The following MCC variants were observed in gnomAD, a reference collection of about 807,000 sequenced individuals.
MCC encodes the protein colorectal mutant cancer protein.
MCC carries 90 observed loss-of-function variants against 116.2 expected under a neutral mutation model. The observed-to-expected ratio is 0.77, with a 90% CI of 0.65 to 0.92. MCC has a LOEUF of 0.92. Among genes scored for constraint, MCC ranks in the 40% least tolerant of loss-of-function variants. The pLI, the probability that MCC is intolerant of heterozygous loss-of-function variation, is 0.00. For synonymous variants in MCC, 578 were observed against 510.5 expected, an observed-to-expected ratio of 1.13 and a Z score of -1.78; for missense variants, 1,516 against 1,312.2, an observed-to-expected ratio of 1.16 and a Z score of -2.40.
Position 113,070,053 on chromosome 5 carries a change from C to G in MCC, c.1925+1041G>C, listed in dbSNP as rs149536283. Among the ~76,000 whole-genome samples the G allele has an allele frequency of 4.1e-3, 618 of 152,288 alleles. 7 individuals carry two copies. The highest frequency in any genetic ancestry group is 0.014 in the African/African-American group (570 of 41,570). ...ACTAATGTGGAGAAAGACCTTTCTGCTCAAAGGCAGATTGTGGGTGGACAG... is the reference window on the plus strand; with the variant it reads ...ACTAATGTGGAGAAAGACCTTTCTGGTCAAAGGCAGATTGTGGGTGGACAG... On this transcript the variant is annotated intron_variant, in intron 12 of 18. Coordinates refer to ENST00000408903, the MANE Select transcript of MCC (RefSeq NM_001085377.2).
At chr5:113,341,889 C>T (rs1768024841) in intron 2 of MCC, among the ~76,000 whole-genome samples, 1 of 152,088 alleles carries the variant, frequency 6.6e-6, no homozygotes, top group African/African-American at 2.4e-5. Context: ...TGTTTGGTTA[C>T]ATGAATAAGT....
intron 8 of MCC, among the ~76,000 whole-genome samples, chr5:113,088,835 G>T (rs918138815): frequency 6.6e-6 from 1 of 152,058 alleles, no homozygotes; most frequent in East Asian, 1.9e-4. Context: ...TTTGAGACAC[G>T]GTCTCACTAT....
intron 14 of MCC, among the ~76,000 whole-genome samples, chr5:113,056,114 C>T (rs959682798): frequency 1.3e-5 from 2 of 152,124 alleles, no homozygotes; most frequent in Admixed American, 6.5e-5. Context: ...CATATAGACC[C>T]ACCTCCTATT....
rs150005432 is a variant in MCC, at chr5:113,114,318, G to A, written c.1027+8366C>T. On this transcript the variant is annotated intron_variant, in intron 6 of 18. Transcript: ENST00000408903. Reference sequence around the variant, plus strand: ...TATGCTGCAGTGGAGATTTAACACGGAGAGCGCAAGATGACTGATTCTCAG... The same window carrying A: ...TATGCTGCAGTGGAGATTTAACACGAAGAGCGCAAGATGACTGATTCTCAG... Among the ~76,000 whole-genome samples, 225 of 152,332 alleles carry A rather than the reference G, an allele frequency of 1.5e-3. 1 individual carries two copies. Among genetic ancestry groups the A allele is most frequent in the Non-Finnish European group, 2.1e-3 (146 of 68,030 alleles).
chr5:113,221,920 T>C (rs923327661), intron 3 of MCC, among the ~76,000 whole-genome samples: 4 of 152,198 alleles, frequency 2.6e-5, no homozygotes, highest in African/African-American at 4.8e-5. Context: ...TCTTTCTCTA[T>C]TGCAATTCCC....
intron 8 of MCC, among the ~76,000 whole-genome samples, chr5:113,092,677 A>C (rs2150248917): frequency 6.6e-6 from 1 of 152,360 alleles, no homozygotes; most frequent in East Asian, 1.9e-4. Flanking sequence ...CCTGAGAAAA[A>C]GAATGAGATG....
At chr5:113,104,954 C>T (rs1462222414) in intron 6 of MCC, among the ~76,000 whole-genome samples, 1 of 152,198 alleles carries the variant, frequency 6.6e-6, no homozygotes, top group Non-Finnish European at 1.5e-5. Context: ...CATAAGGCAA[C>T]CAATTCTAAT....
rs879290241 is a variant in MCC, at chr5:113,332,841, C to G, written c.627+7678G>C. Among the ~76,000 whole-genome samples the G allele has an allele frequency of 4.0e-5, 6 of 151,754 alleles. No individual in the cohort carries two copies. The South Asian group carries it at 8.3e-4, about 21-fold the overall frequency. On this transcript the variant is annotated intron_variant, in intron 3 of 18. Transcript: ENST00000408903. Reference sequence around the variant, plus strand: ...ATTAATAGCAAATAGCCAAACAAAGCTACACCTCCTGAAATATCAGCTGAT... The same window carrying G: ...ATTAATAGCAAATAGCCAAACAAAGGTACACCTCCTGAAATATCAGCTGAT...
At chr5:113,135,667 T>C (rs908530595) in intron 5 of MCC, among the ~76,000 whole-genome samples, 3 of 152,120 alleles carry the variant, frequency 2.0e-5, no homozygotes, top group Non-Finnish European at 4.4e-5. Flanking sequence ...TGTTGGCATA[T>C]ATAAATGCTA....
chr5:113,126,930 A>T (rs2150273778), intron 5 of MCC, among the ~76,000 whole-genome samples: 1 of 152,246 alleles, frequency 6.6e-6, no homozygotes, highest in South Asian at 2.1e-4. Flanking sequence ...TTACGCAGGT[A>T]AACTCGTGTC....
At chr5:113,351,011 A>G (rs1388665948) in intron 2 of MCC, among the ~76,000 whole-genome samples, 1 of 152,036 alleles carries the variant, frequency 6.6e-6, no homozygotes, top group East Asian at 1.9e-4. Flanking sequence ...GTTAAAGTGG[A>G]TTTTATCCAA....
intron 4 of MCC, among the ~76,000 whole-genome samples, chr5:113,150,110 C>A (rs1047490770): frequency 6.6e-6 from 1 of 151,746 alleles, no homozygotes; most frequent in Non-Finnish European, 1.5e-5. Context: ...GGAGTGGAAA[C>A]AAAATTGAAC....
intron 3 of MCC, among the ~76,000 whole-genome samples, chr5:113,242,853 T>C (rs1344066419): frequency 2.6e-5 from 4 of 152,086 alleles, no homozygotes; most frequent in African/African-American, 7.2e-5. Context: ...AGCCGTGACT[T>C]TACCAAAAGT....
intron 3 of MCC, chr5:113,294,186 T>C: frequency 1.0e-6 from 1 of 1,001,252 alleles, no homozygotes; most frequent in Non-Finnish European, 1.5e-6. Flanking sequence ...ATCCAGAAAA[T>C]CTACTAATCT....
intron 3 of MCC, among the ~76,000 whole-genome samples, chr5:113,231,104 A>G (rs1173612036): frequency 6.6e-6 from 1 of 152,024 alleles, no homozygotes; most frequent in Non-Finnish European, 1.5e-5. Context: ...CCTAAGGGGG[A>G]AAAAAAATCT....
intron 15 of MCC, among the ~76,000 whole-genome samples, chr5:113,050,279 G>C (rs1430306404): frequency 6.6e-6 from 1 of 152,112 alleles, no homozygotes; most frequent in Non-Finnish European, 1.5e-5. Flanking sequence ...CATGACTCTT[G>C]TCCCCGCACT....
intron 8 of MCC, among the ~76,000 whole-genome samples, chr5:113,097,964 T>C (rs926384937): frequency 6.6e-6 from 1 of 152,092 alleles, no homozygotes; most frequent in African/African-American, 2.4e-5. Flanking sequence ...ATGCAGAAAA[T>C]ACCCAGGTAG....
intron 8 of MCC, among the ~76,000 whole-genome samples, chr5:113,092,187 C>A (rs1166147106): frequency 6.6e-6 from 1 of 151,994 alleles, no homozygotes; most frequent in Non-Finnish European, 1.5e-5. Flanking sequence ...CAAAAGGGAA[C>A]TGAGATGGGT....
At chr5:113,475,572 G>A (rs901671827) in intron 1 of MCC, among the ~76,000 whole-genome samples, 1 of 152,120 alleles carries the variant, frequency 6.6e-6, no homozygotes, top group Non-Finnish European at 1.5e-5. Context: ...ACAGTTAACT[G>A]TTCTCTAAGG....
Sources: gnomAD v4.1 joint callset for allele counts (sites outside exome capture counted in the v4.1 genomes callset) on GRCh38, gnomAD v4.1.1 for gene constraint, MANE v1.5 for transcripts, NCBI Gene and HGNC (gene_info 2026-07-23, HGNC 2026-07-21) for gene names.